The following SV2C variants were observed in gnomAD, a reference collection of about 807,000 sequenced individuals.
SV2C encodes synaptic vesicle glycoprotein 2C.
A neutral mutation model predicts 79.7 loss-of-function variants in SV2C; 49 were observed. The observed-to-expected ratio is 0.61, with a 90% CI of 0.49 to 0.78. The LOEUF (loss-of-function observed/expected upper bound fraction) is 0.78, where lower values mean the gene tolerates loss of function less well. SV2C is among the 30% of genes least tolerant of loss of function. SV2C has a pLI of 0.00. For synonymous variants in SV2C, 334 were observed against 333.2 expected (o/e 1.00, Z -0.03); for missense variants, 833 against 912.9 (o/e 0.91, Z 1.13).
At chr5:76,210,196 T>C (rs547152472) in intron 4 of SV2C, among the ~76,000 whole-genome samples, 7 of 152,310 alleles carry the variant, frequency 4.6e-5, no homozygotes, top group African/African-American at 1.4e-4. Context: ...CTCCAACAGC[T>C]GGGTGTGCTA....
At chr5:76,072,943 T>C in the SV2C span, among the ~76,000 whole-genome samples, 1 of 152,168 alleles carries the variant, frequency 6.6e-6, no homozygotes. Context: ...CCACTTTCTG[T>C]TGGAATTTTT....
the SV2C span, among the ~76,000 whole-genome samples, chr5:75,890,667 T>A: frequency 6.6e-6 from 1 of 152,194 alleles, no homozygotes; most frequent in South Asian, 2.1e-4. Flanking sequence ...CTTTGTTTAG[T>A]CTCCCATTGC....
chr5:76,139,748 A>C (rs139789247), intron 2 of SV2C, among the ~76,000 whole-genome samples: 1 of 152,150 alleles, frequency 6.6e-6, no homozygotes, highest in African/African-American at 2.4e-5. Flanking sequence ...GGTATACTGG[A>C]CGAAAACAGA....
chr5:76,243,863 C>T (rs1745867782), intron 4 of SV2C, among the ~76,000 whole-genome samples: 1 of 152,208 alleles, frequency 6.6e-6, no homozygotes, highest in South Asian at 2.1e-4. Context: ...AACTCACATG[C>T]AGCCACACTG....
intron 12 of SV2C, among the ~76,000 whole-genome samples, chr5:76,309,477 G>A (rs1339281570): frequency 6.6e-6 from 1 of 151,892 alleles, no homozygotes; most frequent in Non-Finnish European, 1.5e-5. Flanking sequence ...GCTGGCGCCT[G>A]TAGTCCCAGC....
chr5:76,082,050 G>A (rs1747006224), upstream of SV2C: 2 of 152,298 alleles, frequency 1.3e-5, no homozygotes, highest in African/African-American at 4.8e-5. Flanking sequence ...AGATGTGTGT[G>A]TTTGAGTTCC....
At chr5:76,340,604 A>T (rs1349290959) in intron 12 of SV2C, among the ~76,000 whole-genome samples, 1 of 152,204 alleles carries the variant, frequency 6.6e-6, no homozygotes, top group African/African-American at 2.4e-5. Context: ...CTCAAACTGA[A>T]GATATCCCAA....
At chr5:76,116,484 C>G (rs988207677) in intron 1 of SV2C, among the ~76,000 whole-genome samples, 2 of 152,158 alleles carry the variant, frequency 1.3e-5, no homozygotes, top group East Asian at 3.9e-4. Context: ...TTCTGCTCTT[C>G]CCAGTCCCCA....
In SV2C at chr5:76,134,367, CAG is replaced by C. The variant is rs776417261; in HGVS notation, c.580+2040_580+2041del. ...AATTTCACTCATAATTGCATTCTAA[CAG>C]AGTCTTTTTAGACAAGCATTTAAAT... On this transcript the variant is annotated intron_variant, in intron 2 of 12. Transcript: ENST00000502798. 2.0e-4 allele frequency among the ~76,000 whole-genome samples: 30 copies of C among 152,302 alleles called. 1 individual carries two copies. The South Asian group carries it at 4.8e-3, about 24-fold the overall frequency.
At chr5:76,030,029 T>C in the SV2C span, among the ~76,000 whole-genome samples, 3 of 152,166 alleles carry the variant, frequency 2.0e-5, no homozygotes, top group Admixed American at 1.3e-4. Context: ...GACCCCGGTT[T>C]CTATGGTGGG....
At chr5:76,231,980 A>G (rs1169983196) in intron 4 of SV2C, among the ~76,000 whole-genome samples, 1 of 143,906 alleles carries the variant, frequency 6.9e-6, no homozygotes, top group Non-Finnish European at 1.5e-5. Context: ...GTCAAATGGT[A>G]TTTCCAGTTC....
In SV2C at chr5:76,173,068, C is replaced by CAA. The variant is rs200424377; in HGVS notation, c.581-21839_581-21838dup. On this transcript the variant is annotated intron_variant, in intron 2 of 12. Transcript: ENST00000502798. ...TAAAAAAATAAATTAAAAAAAAATA[C>CAA]AAAAAAAAAAAAATTAAAAAAACTA... 2.1e-3 allele frequency among the ~76,000 whole-genome samples: 277 copies of CAA among 131,080 alleles called. 12 individuals carry two copies. In the East Asian group the frequency reaches 0.054, roughly 25 times the overall value. The allele number at this position is 131,080 out of a possible 152,430, so 86.0% of individuals were successfully genotyped here. A position where few individuals can be genotyped will look rare whatever the true frequency, so the allele number is the denominator to read the frequency against.
chr5:76,091,523 C>T (rs770239577), intron 1 of SV2C, among the ~76,000 whole-genome samples: 25 of 152,064 alleles, frequency 1.6e-4, no homozygotes, highest in Non-Finnish European at 3.1e-4. Context: ...TGTTGATGTC[C>T]CTGGAGAGTT....
chr5:76,328,742 T>A lies in SV2C; in HGVS notation c.*3195T>A, dbSNP rs979131250. On this transcript the variant is annotated 3_prime_UTR_variant, in exon 13 of 13. Transcript: ENST00000502798. ...GAAGACAGTAATGAAAATAGCTTCA[T>A]CTTATCTGCCTTCTTATGCTAAACT... 6.6e-6 allele frequency: 1 copy of A among 152,060 alleles called. No individual in the cohort carries two copies. Among genetic ancestry groups the A allele is most frequent in the Admixed American group, 6.6e-5 (1 of 15,254 alleles). 9.4% of individuals were successfully genotyped at this position (152,060 alleles called of 1,614,324 possible).
At chr5:75,912,029 G>A in the SV2C span, among the ~76,000 whole-genome samples, 2 of 152,210 alleles carry the variant, frequency 1.3e-5, no homozygotes, top group South Asian at 4.1e-4. Flanking sequence ...GGAGGCGGAG[G>A]AGAAGACTTA....
chr5:75,934,179 A>G, the SV2C span, among the ~76,000 whole-genome samples: 1 of 152,152 alleles, frequency 6.6e-6, no homozygotes, highest in African/African-American at 2.4e-5. Flanking sequence ...TGATTGCAGG[A>G]GCAATGAGCA....
the SV2C span, among the ~76,000 whole-genome samples, chr5:75,863,389 A>G: frequency 6.6e-6 from 1 of 152,220 alleles, no homozygotes; most frequent in African/African-American, 2.4e-5. Flanking sequence ...TCTACCATAC[A>G]AAGACAACAA....
In SV2C at chr5:76,132,050, C is replaced by A; in HGVS notation, c.300C>A (p.Asn100Lys). The A allele has an allele frequency of 6.2e-7, 1 of 1,611,580 alleles. No individual in the cohort carries two copies. The highest frequency in any genetic ancestry group is 8.5e-7 in the Non-Finnish European group (1 of 1,178,626). The change falls in exon 2 of 13, where the codon AAC becomes AAA. Residue 100 changes from asparagine (N) to lysine (K), a missense_variant. By Grantham distance (94) the Asn-to-Lys change is moderately conservative (BLOSUM62 0). Coordinates refer to ENST00000502798, the MANE Select transcript of SV2C (RefSeq NM_014979.4). ...EGEYQGIPSM[N>K]QAKDSIVSVG... ...AGTATCAGGGCATCCCCAGTATGAA[C>A]CAAGCGAAGGACAGCATCGTGTCAG...
upstream of SV2C, chr5:76,079,492 C>T (rs897500697): frequency 1.1e-5 from 3 of 281,444 alleles, no homozygotes; most frequent in Admixed American, 3.9e-5. Context: ...GTGTGACTAA[C>T]GATTTGACAG....
Sources: allele counts gnomAD v4.1 joint callset (sites outside exome capture counted in the v4.1 genomes callset), GRCh38; gene constraint gnomAD v4.1.1; transcripts MANE v1.5; gene names NCBI Gene and HGNC (gene_info 2026-07-23, HGNC 2026-07-21).